The following RNF24 variants were observed in gnomAD, a reference collection of about 807,000 sequenced individuals.
The protein encoded by RNF24 is ring finger protein 24.
Under a neutral mutation model 20.0 loss-of-function variants are expected in RNF24, and 14 were observed. That is an observed-to-expected ratio of 0.70 (90% CI 0.46 to 1.10). The LOEUF (loss-of-function observed/expected upper bound fraction) is 1.10. RNF24 is among the 50% of genes least tolerant of loss of function. RNF24 has a pLI of 0.00. For synonymous variants in RNF24, 45 were observed against 61.1 expected, an observed-to-expected ratio of 0.74 and a Z score of 1.23; for missense variants, 124 against 177.6, an observed-to-expected ratio of 0.70 and a Z score of 1.71.
intron 1 of RNF24, among the ~76,000 whole-genome samples, chr20:4,008,477 T>A (rs1157435554): frequency 3.5e-5 from 4 of 114,846 alleles, no homozygotes; most frequent in East Asian, 2.2e-4. Context: ...ATATGTATAA[T>A]ATATAATATA....
intron 4 of RNF24, among the ~76,000 whole-genome samples, chr20:3,943,580 A>G (rs1373510844): frequency 2.6e-5 from 4 of 152,234 alleles, no homozygotes; most frequent in Admixed American, 6.5e-5. Context: ...AAGAATTTCA[A>G]TGAAGAAAGC....
intron 2 of RNF24, among the ~76,000 whole-genome samples, chr20:3,951,390 G>C (rs1192905014): frequency 6.6e-6 from 1 of 151,968 alleles, no homozygotes; most frequent in Non-Finnish European, 1.5e-5. Context: ...GTGTCCACTG[G>C]GTTTCTCCAC....
chr20:3,989,266 C>T (rs1420868134), intron 1 of RNF24, among the ~76,000 whole-genome samples: 1 of 152,098 alleles, frequency 6.6e-6, no homozygotes, highest in East Asian at 1.9e-4. Flanking sequence ...CCGAGGCAGG[C>T]GGATCACGAG....
chr20:3,974,698 CATT>C (rs1369879792), intron 1 of RNF24, among the ~76,000 whole-genome samples: 2 of 151,974 alleles, frequency 1.3e-5, no homozygotes, highest in African/African-American at 4.8e-5. Context: ...TTTAATAAGA[CATT>C]AGATATGTAC....
At chr20:3,944,209 C>CAAAAAAAAAAAAAAAAAAA (rs58334745) in intron 4 of RNF24, among the ~76,000 whole-genome samples, 2 of 109,880 alleles carry the variant, frequency 1.8e-5, no homozygotes, top group African/African-American at 3.0e-5. Flanking sequence ...GACCCCGTCT[C>CAAAAAAAAAAAAAAAAAAA]AAAAAAAAAA....
At chr20:3,969,506 C>T (rs370920148) in intron 1 of RNF24, among the ~76,000 whole-genome samples, 1 of 89,148 alleles carries the variant, frequency 1.1e-5, no homozygotes, top group African/African-American at 4.7e-5. Flanking sequence ...CAGGTGAAGA[C>T]AAAAAAAAAA....
chr20:4,002,229 T>C (rs1018815371), intron 1 of RNF24, among the ~76,000 whole-genome samples: 2 of 151,494 alleles, frequency 1.3e-5, no homozygotes, highest in Non-Finnish European at 2.9e-5. Context: ...ACTAAAAATA[T>C]AAAAAAATTA....
intron 1 of RNF24, among the ~76,000 whole-genome samples, chr20:3,995,303 G>A (rs1980771161): frequency 6.6e-6 from 1 of 152,094 alleles, no homozygotes; most frequent in Admixed American, 6.6e-5. Flanking sequence ...ATTTGGGCCT[G>A]AGCCACATCT....
chr20:3,981,930 A>T (rs1156994329), intron 1 of RNF24, among the ~76,000 whole-genome samples: 1 of 151,812 alleles, frequency 6.6e-6, no homozygotes, highest in Non-Finnish European at 1.5e-5. Flanking sequence ...ATCAGCCTGG[A>T]CAACAGGTAA....
intron 1 of RNF24, among the ~76,000 whole-genome samples, chr20:3,980,436 G>A (rs1253196033): frequency 3.3e-5 from 5 of 152,280 alleles, no homozygotes; most frequent in Admixed American, 1.3e-4. Flanking sequence ...GATGATTCAC[G>A]TCCTGGGTGA....
rs189471232 is a variant in RNF24 at position 3,934,756 on chromosome 20, G to C, written c.308+238C>G. Among the ~76,000 whole-genome samples, 143 of 152,256 alleles carry C rather than the reference G, an allele frequency of 9.4e-4. No individual in the cohort carries two copies. Among genetic ancestry groups the C allele is most frequent in the African/African-American group, 3.3e-3 (137 of 41,546 alleles). On this transcript the variant is annotated intron_variant, in intron 5 of 5. Transcript: ENST00000358395. The surrounding 1 kb of genome is among the most constrained non-coding windows in gnomAD (Gnocchi z 4.0). ...GTTTATTGCTTGGGCTCCAAGTGTA[G>C]GCTCATTTTGGCTCTCTGCCCATAG... is the stretch of plus-strand genomic sequence containing the variant.
At chr20:4,013,922 T>A (rs1436736988) in intron 1 of RNF24, among the ~76,000 whole-genome samples, 1 of 152,216 alleles carries the variant, frequency 6.6e-6, no homozygotes, top group Non-Finnish European at 1.5e-5. Flanking sequence ...AAAATTCATA[T>A]CATTTGTTTT....
chr20:3,955,130 A>G (rs1481003786), intron 2 of RNF24, among the ~76,000 whole-genome samples: 2 of 152,144 alleles, frequency 1.3e-5, no homozygotes, highest in East Asian at 3.8e-4. Context: ...ACATCTTTTC[A>G]TGTGCTTGTT....
chr20:3,943,762 C>G (rs1459705582), intron 4 of RNF24, among the ~76,000 whole-genome samples: 1 of 152,092 alleles, frequency 6.6e-6, no homozygotes, highest in African/African-American at 2.4e-5. Context: ...ACAGGTCACA[C>G]CAGTAAGGAA....
intron 1 of RNF24, among the ~76,000 whole-genome samples, chr20:4,014,796 C>A (rs1435744807): frequency 3.3e-5 from 5 of 150,574 alleles, no homozygotes; most frequent in African/African-American, 1.2e-4. Context: ...TCTCCAGAAA[C>A]AAAGGAGGGT....
intron 2 of RNF24, among the ~76,000 whole-genome samples, chr20:3,953,918 A>G (rs571633190): frequency 5.7e-4 from 86 of 150,648 alleles, no homozygotes; most frequent in Non-Finnish European, 1.0e-3. Flanking sequence ...CACCACGTCC[A>G]GCTAATTTTT....
At chr20:3,975,585 A>AGG (rs1463307886) in intron 1 of RNF24, among the ~76,000 whole-genome samples, 4 of 152,152 alleles carry the variant, frequency 2.6e-5, no homozygotes, top group Non-Finnish European at 5.9e-5. Flanking sequence ...GTTCTCAAAA[A>AGG]GATATGGTGA....
At position 3,932,930 on chromosome 20, in the gene RNF24, A is replaced by G; in HGVS notation, c.*1133T>C. ...CACTTTCAGTTTCGGAAGTCCAAAT[A>G]CTGAGGCACACACCAACGGTGGACA... is the stretch of plus-strand genomic sequence containing the variant. On this transcript the variant is annotated 3_prime_UTR_variant, in exon 6 of 6. Coordinates refer to ENST00000358395, the MANE Select transcript of RNF24 (RefSeq NM_001134337.3). 1 of 398,626 alleles carries G rather than the reference A, an allele frequency of 2.5e-6. No homozygotes were observed. Among genetic ancestry groups the G allele is most frequent in the Non-Finnish European group, 4.4e-6 (1 of 226,054 alleles). The allele number at this position is 398,626 out of a possible 1,614,324, so 24.7% of individuals were successfully genotyped here. A position where few individuals can be genotyped will look rare whatever the true frequency, so the allele number is the denominator to read the frequency against.
intron 1 of RNF24, among the ~76,000 whole-genome samples, chr20:4,014,957 G>A (rs2122187109): frequency 6.6e-6 from 1 of 152,328 alleles, no homozygotes; most frequent in South Asian, 2.1e-4. Flanking sequence ...ACAAAGAAAG[G>A]GGAGGAGTGG....
Sources: allele counts gnomAD v4.1 joint callset (sites outside exome capture counted in the v4.1 genomes callset), GRCh38; gene constraint gnomAD v4.1.1; non-coding constraint Gnocchi (gnomAD v3.1); transcripts MANE v1.5; gene names NCBI Gene and HGNC (gene_info 2026-07-23, HGNC 2026-07-21).